The following DHX37 variants were observed in gnomAD, a reference collection of about 807,000 sequenced individuals.
DHX37 encodes the protein DEAH-box helicase 37, also known as probable ATP-dependent RNA helicase DHX37.
Under a neutral mutation model 134.3 loss-of-function variants are expected in DHX37, and 52 were observed. That is an observed-to-expected ratio of 0.39 (90% CI 0.31 to 0.49). The LOEUF (loss-of-function observed/expected upper bound fraction) is 0.49, where lower values mean the gene tolerates loss of function less well. Ranked by LOEUF, DHX37 falls within the 20% of genes least tolerant of loss-of-function variation. The probability of loss-of-function intolerance (pLI) is 0.93; values close to 1 mark genes in which losing one functional copy is unlikely to be tolerated. For synonymous variants in DHX37, 634 were observed against 670.7 expected (o/e 0.95, Z 0.85); for missense variants, 1,344 against 1,580.8 (o/e 0.85, Z 2.54).
Position 124,947,866 on chromosome 12 carries a change from TCA to T in DHX37, c.3408_3409del (p.Cys1136Ter). ...GGGGTGCATGGCCTGTGGAAGCCAC[TCA>T]CAGTACTCAGCCAGCAGGTCTGCAG... On this transcript the variant is annotated stop_gained and frameshift_variant, in exon 27 of 27. Transcript: ENST00000308736. LOFTEE classifies it high-confidence loss of function. The T allele has an allele frequency of 1.2e-6, 2 of 1,609,618 alleles. No homozygotes were observed. Among genetic ancestry groups the T allele is most frequent in the Non-Finnish European group, 1.7e-6 (2 of 1,177,506 alleles).
chr12:124,962,922 A>G (rs1690491580), intron 15 of DHX37, among the ~76,000 whole-genome samples: 1 of 152,212 alleles, frequency 6.6e-6, no homozygotes, highest in African/African-American at 2.4e-5. Context: ...CAAATGGGGC[A>G]GCTGCTGTGG....
chr12:124,950,843 C>G, intron 21 of DHX37, 39 bp from the exon 22 acceptor site: 2 of 1,533,690 alleles, frequency 1.3e-6, no homozygotes, highest in Non-Finnish European at 1.7e-6. Context: ...GGGAAGAACC[C>G]ATGCCCAGGG....
Position 124,974,415 on chromosome 12 carries a change from G to A in DHX37, c.980+1004C>T, listed in dbSNP as rs143767464. ...AGGAGGCAGGGCATTGGGTGAGAAG[G>A]GGCCCCCAGTACTCCATCCCTGCCT... On this transcript the variant is annotated intron_variant, in intron 6 of 26. Coordinates refer to ENST00000308736, the MANE Select transcript of DHX37 (RefSeq NM_032656.4). 2.4e-3 allele frequency among the ~76,000 whole-genome samples: 359 copies of A among 151,818 alleles called. 1 individual carries two copies. The highest frequency in any genetic ancestry group is 7.5e-3 in the African/African-American group (309 of 41,380).
chr12:124,985,608 G>C (rs564613775), intron 2 of DHX37, among the ~76,000 whole-genome samples: 2 of 149,310 alleles, frequency 1.3e-5, no homozygotes, highest in Non-Finnish European at 3.0e-5. Flanking sequence ...ATAGCCTGAC[G>C]TGGTGGCACG....
At chr12:124,979,581 TA>T (rs1954714714) in intron 4 of DHX37, among the ~76,000 whole-genome samples, 1 of 152,190 alleles carries the variant, frequency 6.6e-6, no homozygotes, top group South Asian at 2.1e-4. Flanking sequence ...TGGAATAACG[TA>T]AAGGACATGA....
chr12:124,982,445 A>G, intron 3 of DHX37, 66 bp downstream of exon 3: 1 of 1,590,902 alleles, frequency 6.3e-7, no homozygotes, highest in Non-Finnish European at 8.6e-7. Context: ...GGACCCCATA[A>G]CCTGTGCGCC....
intron 15 of DHX37, among the ~76,000 whole-genome samples, chr12:124,961,207 T>C (rs114408744): frequency 0.093 from 9,091 of 97,850 alleles, 916 homozygotes; most frequent in African/African-American, 0.29. Flanking sequence ...CACATACACG[T>C]GTGCACGCAC....
In DHX37 at chr12:124,947,311, A is replaced by C. The variant is rs915933321; in HGVS notation, c.*491T>G. On this transcript the variant is annotated 3_prime_UTR_variant, in exon 27 of 27. Coordinates refer to ENST00000308736, the MANE Select transcript of DHX37 (RefSeq NM_032656.4). ...GCATGGAGCCTGGGGGCCCCCAGCCAGGCCCCTCAAGGTCAACACAGAGCT... is the reference window on the plus strand; with the variant it reads ...GCATGGAGCCTGGGGGCCCCCAGCCCGGCCCCTCAAGGTCAACACAGAGCT... 6.5e-6 allele frequency: 1 copy of C among 152,800 alleles called. No homozygotes were observed. The highest frequency in any genetic ancestry group is 1.5e-5 in the Non-Finnish European group (1 of 68,474). The allele number at this position is 152,800 out of a possible 1,614,324, so 9.5% of individuals were successfully genotyped here.
At chr12:124,967,053 C>G (rs979261960) in intron 11 of DHX37, 70 bp downstream of exon 11, 1 of 1,578,928 alleles carries the variant, frequency 6.3e-7, no homozygotes, top group Non-Finnish European at 8.7e-7. Flanking sequence ...AGGAGCTGCA[C>G]CCCAGCCAGG....
chr12:124,957,922 G>A (rs1291985022), intron 16 of DHX37, among the ~76,000 whole-genome samples: 1 of 152,266 alleles, frequency 6.6e-6, no homozygotes, highest in African/African-American at 2.4e-5. Flanking sequence ...GCCGCGAATA[G>A]GAGTGAAGCA....
At chr12:124,947,949 T>C in intron 26 of DHX37, 62 bp from the exon 27 acceptor site, 1 of 1,611,460 alleles carries the variant, frequency 6.2e-7, no homozygotes, top group Non-Finnish European at 8.5e-7. Context: ...TCTCCTCAGG[T>C]GGCAAAAAGC....
In DHX37 at chr12:124,964,417, C is replaced by A. The variant is rs1954336156; in HGVS notation, c.2022G>T (p.Arg674=). ...ACCTGTAGCAGTGGCCGGGCTCCGT[C>A]CGTCCTGCTCTGCCCGCTCGCTGGT... ...SADQRAGRAG[R]TEPGHCYRLY... The change falls in exon 15 of 27, where the codon CGG becomes CGT. Residue 674 remains arginine (R), a synonymous_variant. Transcript: ENST00000308736. 1 of 1,613,872 alleles carries A rather than the reference C, an allele frequency of 6.2e-7. No individual in the cohort carries two copies. The highest frequency in any genetic ancestry group is 2.2e-5 in the East Asian group (1 of 44,882).
At chr12:124,972,657 G>A (rs7304979) in intron 6 of DHX37, 58 bp from the exon 7 acceptor site, 435,516 of 1,569,676 alleles carry the variant, frequency 0.28, 63,849 homozygotes, top group Non-Finnish European at 0.31. Context: ...CTGTCGCCAC[G>A]GGGCCACTAC....
intron 16 of DHX37, among the ~76,000 whole-genome samples, chr12:124,959,227 CCA>C (rs1954174644): frequency 6.6e-6 from 1 of 152,066 alleles, no homozygotes; most frequent in Non-Finnish European, 1.5e-5. Context: ...GCGTGTGCCA[CCA>C]CACTCAGCTA....
At chr12:124,966,189 T>G (rs1054878458) in intron 12 of DHX37, among the ~76,000 whole-genome samples, 3 of 152,168 alleles carry the variant, frequency 2.0e-5, no homozygotes, top group Admixed American at 6.5e-5. Flanking sequence ...AGCCCAGCCA[T>G]CCCAGAGTAG....
At chr12:124,952,759 C>T in intron 20 of DHX37, 189 bp from the exon 21 acceptor site, 1 of 449,260 alleles carries the variant, frequency 2.2e-6, no homozygotes, top group Non-Finnish European at 3.8e-6. Context: ...CCCCCCCATT[C>T]CCTCCTTCTC....
intron 15 of DHX37, among the ~76,000 whole-genome samples, chr12:124,964,144 G>A (rs1285785575): frequency 2.9e-5 from 4 of 136,154 alleles, no homozygotes; most frequent in Admixed American, 8.4e-5. Flanking sequence ...GCAGTGAGTC[G>A]AGATCACGCC....
chr12:124,965,195 CTT>C (rs1262957165), intron 13 of DHX37, among the ~76,000 whole-genome samples, 189 bp from the exon 14 acceptor site: 3 of 152,226 alleles, frequency 2.0e-5, no homozygotes, highest in Non-Finnish European at 4.4e-5. Flanking sequence ...CAGGGGCTCT[CTT>C]GTCTCTGCTG....
chr12:124,979,432 C>T (rs1954712157), intron 4 of DHX37, among the ~76,000 whole-genome samples: 1 of 152,112 alleles, frequency 6.6e-6, no homozygotes, highest in Admixed American at 6.6e-5. Context: ...ACCAACTATC[C>T]AGCAACAGAA....
Sources: allele counts gnomAD v4.1 joint callset (sites outside exome capture counted in the v4.1 genomes callset), GRCh38; gene constraint gnomAD v4.1.1; transcripts MANE v1.5; gene names NCBI Gene and HGNC (gene_info 2026-07-23, HGNC 2026-07-21).